The following ERC2 variants were observed in gnomAD, a reference collection of about 807,000 sequenced individuals.
ERC2 encodes the protein ERC protein 2.
In ERC2, 42 loss-of-function variants were observed where a neutral mutation model predicts 114.8. The ratio of observed to expected loss-of-function variants is 0.37; its 90% CI spans 0.29 to 0.47. The LOEUF is 0.47. Ranked by LOEUF, ERC2 falls within the 20% of genes least tolerant of loss-of-function variation. ERC2 has a pLI of 0.99. For missense variants in ERC2, 939 were observed against 1,150.7 expected, an observed-to-expected ratio of 0.82 and a Z score of 2.66; for synonymous variants, 454 against 425.5, an observed-to-expected ratio of 1.07 and a Z score of -0.82.
At chr3:55,565,693 G>A (rs1229527335) in intron 17 of ERC2, among the ~76,000 whole-genome samples, 1 of 152,290 alleles carries the variant, frequency 6.6e-6, no homozygotes, top group South Asian at 2.1e-4. Flanking sequence ...AGGCTTGGCC[G>A]TAAGTCACTC....
At chr3:56,056,736 T>C (rs909658993) in intron 7 of ERC2, among the ~76,000 whole-genome samples, 6 of 152,184 alleles carry the variant, frequency 3.9e-5, no homozygotes, top group South Asian at 2.1e-4. Flanking sequence ...TTTGGTCTCT[T>C]AGAGCTCTCA....
chr3:56,424,364 G>A (rs995602691), intron 2 of ERC2, among the ~76,000 whole-genome samples: 5 of 151,970 alleles, frequency 3.3e-5, no homozygotes, highest in Non-Finnish European at 5.9e-5. Flanking sequence ...AAATCATTTA[G>A]GTCTCCCAAG....
At chr3:55,868,718 C>T (rs2062436502) in intron 14 of ERC2, among the ~76,000 whole-genome samples, 1 of 152,152 alleles carries the variant, frequency 6.6e-6, no homozygotes, top group Non-Finnish European at 1.5e-5. Flanking sequence ...GGCAGAGGCC[C>T]GTTTTGGCTG....
At chr3:56,080,433 C>T (rs1302430081) in intron 7 of ERC2, among the ~76,000 whole-genome samples, 1 of 152,202 alleles carries the variant, frequency 6.6e-6, no homozygotes, top group African/African-American at 2.4e-5. Context: ...GGATCTACTA[C>T]AGTTTATGTG....
chr3:56,140,445 C>CT (rs935241123), intron 5 of ERC2, among the ~76,000 whole-genome samples: 1 of 151,982 alleles, frequency 6.6e-6, no homozygotes, highest in Non-Finnish European at 1.5e-5. Context: ...TCCTACTTTG[C>CT]TTTTTTTCCT....
intron 3 of ERC2, among the ~76,000 whole-genome samples, chr3:56,231,794 C>A (rs773240704): frequency 1.3e-5 from 2 of 152,132 alleles, no homozygotes; most frequent in Non-Finnish European, 2.9e-5. Flanking sequence ...AGTGACTTCA[C>A]TAACAGACCC....
intron 14 of ERC2, among the ~76,000 whole-genome samples, chr3:55,871,126 G>T (rs985688439): frequency 3.3e-5 from 5 of 152,180 alleles, no homozygotes; most frequent in African/African-American, 1.2e-4. Flanking sequence ...TCACCAAAGT[G>T]GTGTCAAAGT....
intron 2 of ERC2, among the ~76,000 whole-genome samples, chr3:56,406,856 G>C (rs565102415): frequency 3.7e-4 from 57 of 152,336 alleles, no homozygotes; most frequent in African/African-American, 1.2e-3. Context: ...GAAAGTTGCA[G>C]AGGAGGCATG....
intron 2 of ERC2, among the ~76,000 whole-genome samples, chr3:56,415,703 T>C (rs1318154985): frequency 1.3e-5 from 2 of 152,174 alleles, no homozygotes; most frequent in Non-Finnish European, 2.9e-5. Context: ...AAAAGTAAAA[T>C]TAGCCTTTAC....
chr3:56,270,169 TAAA>T (rs746514541), intron 3 of ERC2, among the ~76,000 whole-genome samples: 1 of 136,670 alleles, frequency 7.3e-6, no homozygotes. Flanking sequence ...CAAGAGCACC[TAAA>T]AAAAAAAAAG....
Position 56,107,884 on chromosome 3 carries a change from T to C in ERC2, c.1474-26900A>G, listed in dbSNP as rs114155414. On this transcript the variant is annotated intron_variant, in intron 6 of 17. Coordinates refer to ENST00000288221, the MANE Select transcript of ERC2 (RefSeq NM_015576.3). ...CAAATGTTTTCCATATAAGATATAC[T>C]ACTCAACAACAGAAAAAAATTGTTA... 7.3e-3 allele frequency among the ~76,000 whole-genome samples: 1,110 copies of C among 152,282 alleles called. 7 individuals are homozygous for C. Among genetic ancestry groups the C allele is most frequent in the Middle Eastern group, 0.024 (7 of 294 alleles).
chr3:55,579,006 C>T (rs77813340), intron 17 of ERC2, among the ~76,000 whole-genome samples: 3,932 of 152,162 alleles, frequency 0.026, 163 homozygotes, highest in African/African-American at 0.088. Context: ...TGGGAAGTGG[C>T]GTACTGTCAT....
At chr3:55,722,592 C>A (rs1475680338) in intron 15 of ERC2, among the ~76,000 whole-genome samples, 1 of 152,086 alleles carries the variant, frequency 6.6e-6, no homozygotes, top group Non-Finnish European at 1.5e-5. Context: ...TGTTTCTTCA[C>A]TGGAATAGTT....
At chr3:55,751,415 A>C (rs79763698) in intron 14 of ERC2, among the ~76,000 whole-genome samples, 1 of 152,178 alleles carries the variant, frequency 6.6e-6, no homozygotes, top group Non-Finnish European at 1.5e-5. Flanking sequence ...TCTTTAGGAA[A>C]ATTATTTCTA....
intron 14 of ERC2, among the ~76,000 whole-genome samples, chr3:55,761,824 C>T (rs1429846023): frequency 1.3e-5 from 2 of 148,614 alleles, no homozygotes; most frequent in Admixed American, 1.4e-4. Context: ...TGCAGTGAGC[C>T]GAGATAGCAC....
At chr3:56,413,640 C>T (rs2061029209) in intron 2 of ERC2, among the ~76,000 whole-genome samples, 1 of 152,152 alleles carries the variant, frequency 6.6e-6, no homozygotes, top group Non-Finnish European at 1.5e-5. Context: ...CAAAACCCCA[C>T]CCAAACTCCT....
intron 14 of ERC2, among the ~76,000 whole-genome samples, chr3:55,859,723 G>T (rs1200593073): frequency 8.9e-6 from 1 of 112,204 alleles, no homozygotes; most frequent in South Asian, 3.3e-4. Flanking sequence ...TTAAAGGAAC[G>T]AAGTGTTTGA....
At chr3:55,663,018 T>C (rs759631871) in intron 17 of ERC2, among the ~76,000 whole-genome samples, 7 of 152,286 alleles carry the variant, frequency 4.6e-5, no homozygotes, top group Admixed American at 6.5e-5. Context: ...CAAATGGCAC[T>C]ATTAAATTTG....
At chr3:55,815,900 G>A (rs2059890107) in intron 14 of ERC2, among the ~76,000 whole-genome samples, 1 of 152,112 alleles carries the variant, frequency 6.6e-6, no homozygotes, top group African/African-American at 2.4e-5. Context: ...TCTAAGAAAC[G>A]GAGCTCAGTC....
Sources: allele counts gnomAD v4.1 joint callset (sites outside exome capture counted in the v4.1 genomes callset), GRCh38; gene constraint gnomAD v4.1.1; transcripts MANE v1.5; gene names NCBI Gene and HGNC (gene_info 2026-07-23, HGNC 2026-07-21).